Variants in ADD1 observed in about 807,000 individuals in gnomAD.
ADD1 encodes the protein adducin 1, also known as alpha-adducin.
ADD1 carries 24 observed loss-of-function variants against 80.5 expected under a neutral mutation model. That is an observed-to-expected ratio of 0.30 (90% CI 0.22 to 0.42). The LOEUF (loss-of-function observed/expected upper bound fraction) is 0.42, where lower values mean the gene tolerates loss of function less well. ADD1 is among the 10% of genes least tolerant of loss of function. The pLI is 1.00. For synonymous variants in ADD1, 373 were observed against 393.8 expected, an observed-to-expected ratio of 0.95 and a Z score of 0.63; for missense variants, 948 against 1,019.0, an observed-to-expected ratio of 0.93 and a Z score of 0.95.
chr4:2,897,303 T>G (rs1272777353), intron 6 of ADD1, among the ~76,000 whole-genome samples: 1 of 151,872 alleles, frequency 6.6e-6, no homozygotes, highest in Non-Finnish European at 1.5e-5. Flanking sequence ...CTGGGGAATT[T>G]TAGGAAACTT....
chr4:2,901,850 C>CCG (rs1560218082), intron 9 of ADD1: 1 of 35,962 alleles, frequency 2.8e-5, no homozygotes, highest in African/African-American at 1.7e-4. Flanking sequence ...GCTAAATTGT[C>CCG]CCCCCCCCAA....
intron 1 of ADD1, among the ~76,000 whole-genome samples, chr4:2,872,213 C>T (rs1173584756): frequency 1.3e-5 from 2 of 152,164 alleles, no homozygotes; most frequent in Non-Finnish European, 2.9e-5. Flanking sequence ...TTTTTGTTTT[C>T]TGTTGTCTGT....
rs1296854599 is a variant in ADD1 at position 2,926,393 on chromosome 4, C to T, written c.2047+281C>T. 2.9e-5 allele frequency: 20 copies of T among 701,366 alleles called. No individual in the cohort carries two copies. Among genetic ancestry groups the T allele is most frequent in the South Asian group, 1.5e-4 (10 of 66,546 alleles). 43.4% of individuals were successfully genotyped at this position (701,366 alleles called of 1,614,324 possible). A position where few individuals can be genotyped will look rare whatever the true frequency, so the allele number is the denominator to read the frequency against. On this transcript the variant is annotated intron_variant, in intron 15 of 15. Coordinates refer to ENST00000683351, the MANE Select transcript of ADD1 (RefSeq NM_001354761.2). This position sits in a 1 kb window ranked among gnomAD's most constrained non-coding sequence, Gnocchi z 5.0. ...CGTTGCCCATTGCTCGCACACTCCT[C>T]GTGCCGTGTTGTCATGCAGATGCCA...
chr4:2,862,046 A>G (rs1031553859), intron 1 of ADD1, among the ~76,000 whole-genome samples: 8 of 152,326 alleles, frequency 5.3e-5, no homozygotes, highest in African/African-American at 1.2e-4. Context: ...GCTTAAGGCA[A>G]TGGTATAGCT....
At chr4:2,871,542 C>G (rs1469341699) in intron 1 of ADD1, among the ~76,000 whole-genome samples, 22 of 152,202 alleles carry the variant, frequency 1.4e-4, no homozygotes, top group Admixed American at 1.4e-3. Flanking sequence ...ATATCTTCAT[C>G]TGAAGGCCGG....
At chr4:2,852,310 T>TCTTTC (rs1553815421) in intron 1 of ADD1, among the ~76,000 whole-genome samples, 1 of 122,514 alleles carries the variant, frequency 8.2e-6, no homozygotes, top group African/African-American at 3.0e-5. Flanking sequence ...TCTTTTCTTT[T>TCTTTC]TTTTCTTTTC....
chr4:2,908,847 G>T, intron 12 of ADD1: 1 of 547,852 alleles, frequency 1.8e-6, no homozygotes, highest in Non-Finnish European at 3.3e-6. Flanking sequence ...ATGCATATGT[G>T]AGGGTGGCAC....
intron 1 of ADD1, among the ~76,000 whole-genome samples, chr4:2,864,582 C>T (rs1349939458): frequency 6.6e-6 from 1 of 152,092 alleles, no homozygotes; most frequent in East Asian, 1.9e-4. Context: ...TAGAATGTAT[C>T]TGAGATGCCA....
chr4:2,879,655 C>T (rs1005415184), intron 2 of ADD1, among the ~76,000 whole-genome samples: 10 of 152,026 alleles, frequency 6.6e-5, no homozygotes, highest in African/African-American at 2.4e-4. Context: ...TGGAGTCTCA[C>T]TCTGTCGCCC....
chr4:2,888,869 CAG>C (rs1360796267), intron 4 of ADD1, among the ~76,000 whole-genome samples: 1 of 151,450 alleles, frequency 6.6e-6, no homozygotes, highest in Non-Finnish European at 1.5e-5. Context: ...TGAAAGGTAT[CAG>C]AAATGAGAAA....
chr4:2,919,881 C>A, intron 14 of ADD1, among the ~76,000 whole-genome samples: 1 of 152,026 alleles, frequency 6.6e-6, no homozygotes, highest in Non-Finnish European at 1.5e-5. Context: ...CTTCTGCTAG[C>A]TTTTGAATTT....
At chr4:2,912,123 C>T (rs1738180212) in intron 13 of ADD1, among the ~76,000 whole-genome samples, 1 of 152,246 alleles carries the variant, frequency 6.6e-6, no homozygotes, top group Admixed American at 6.5e-5. Context: ...GCTCTTGTTC[C>T]ACCCAGGTTG....
intron 1 of ADD1, among the ~76,000 whole-genome samples, chr4:2,865,504 A>G (rs1322749622): frequency 6.6e-6 from 1 of 152,208 alleles, no homozygotes; most frequent in Non-Finnish European, 1.5e-5. Flanking sequence ...TCAGTTTATG[A>G]GCCCTTGCTA....
At chr4:2,875,204 C>G (rs769715011) in intron 1 of ADD1, among the ~76,000 whole-genome samples, 1 of 151,954 alleles carries the variant, frequency 6.6e-6, no homozygotes, top group Non-Finnish European at 1.5e-5. Flanking sequence ...CCTCCAGCCT[C>G]GGTGGCAGAA....
intron 6 of ADD1, 65 bp downstream of exon 6, chr4:2,894,796 C>T (rs996907422): frequency 6.7e-7 from 1 of 1,498,878 alleles, no homozygotes; most frequent in Non-Finnish European, 8.9e-7. Context: ...CTGCACGTTT[C>T]CTCTGAATTG....
At chr4:2,900,277 A>T (rs193017226) in intron 9 of ADD1, 1 of 152,488 alleles carries the variant, frequency 6.6e-6, no homozygotes, top group East Asian at 1.9e-4. Flanking sequence ...CAGTTCTTAG[A>T]GCTGTATTAG....
chr4:2,882,969 C>G (rs1290810068), intron 3 of ADD1, among the ~76,000 whole-genome samples: 2 of 152,174 alleles, frequency 1.3e-5, no homozygotes, highest in Non-Finnish European at 2.9e-5. Context: ...TCAAGCTGTT[C>G]TCCTGCCTCA....
chr4:2,912,369 G>T (rs1387421426), intron 13 of ADD1, among the ~76,000 whole-genome samples: 1 of 152,144 alleles, frequency 6.6e-6, no homozygotes, highest in African/African-American at 2.4e-5. Flanking sequence ...TTAACCCTTA[G>T]CTGTGGTCTG....
intron 4 of ADD1, among the ~76,000 whole-genome samples, chr4:2,892,125 T>A (rs1461807017): frequency 6.6e-6 from 1 of 152,124 alleles, no homozygotes; most frequent in East Asian, 1.9e-4. Flanking sequence ...TCCTCATCAC[T>A]GAAACTAAAA....
Sources: allele counts gnomAD v4.1 joint callset (sites outside exome capture counted in the v4.1 genomes callset), GRCh38; gene constraint gnomAD v4.1.1; non-coding constraint Gnocchi (gnomAD v3.1); transcripts MANE v1.5; gene names NCBI Gene and HGNC (gene_info 2026-07-23, HGNC 2026-07-21).